The following OR51I1 variants were observed in gnomAD, a reference collection of about 807,000 sequenced individuals.
The protein encoded by OR51I1 is olfactory receptor 51I1.
OR51I1 carries 5 observed loss-of-function variants against 6.9 expected under a neutral mutation model. The observed-to-expected ratio is 0.73, with a 90% CI of 0.38 to 1.52. The LOEUF is 1.52. Ranked by LOEUF, OR51I1 falls within the 40% of genes most tolerant of loss-of-function variation. The pLI is 0.03. For synonymous variants in OR51I1, 183 were observed against 140.3 expected (o/e 1.30, Z -2.15); for missense variants, 465 against 388.5 (o/e 1.20, Z -1.66).
chr11:5,441,494 G>T lies in OR51I1; in HGVS notation c.21C>A (p.Thr7=). ...GCTGGAGTGTTGCTGGCTGGAAGGG[G>T]GTGCCATTGAGACCCAGCATGGTGG... is the stretch of plus-strand genomic sequence containing the variant. The part of the protein sequence containing the change: MLGLNG[T]PFQPATLQLT... The change falls in exon 1 of 1, where the codon ACC becomes ACA. Residue 7 remains threonine, a synonymous_variant. Transcript: ENST00000380211. The T allele has an allele frequency of 1.2e-6, 2 of 1,612,022 alleles. No homozygotes were observed. Among genetic ancestry groups the T allele is most frequent in the Non-Finnish European group, 1.7e-6 (2 of 1,179,676 alleles).
In OR51I1 at chr11:5,441,028, A is replaced by C; in HGVS notation, c.487T>G (p.Phe163Val). Residue 163 changes from phenylalanine (F) to valine (V), a missense_variant, in exon 1 of 1, where the codon TTT becomes GTT. By Grantham distance (50) the Phe-to-Val change is conservative. Transcript: ENST00000380211. ...CAGAAGGGCAGTCGTTTCACCACAA[A>C]AGGGAAAGGGAAGAGAGTGGTGAAA... ...KSFTTLFPFP[F>V]VVKRLPFCKG... 1 of 1,613,936 alleles carries C rather than the reference A, an allele frequency of 6.2e-7. No homozygotes were observed. Among genetic ancestry groups the C allele is most frequent in the Non-Finnish European group, 8.5e-7 (1 of 1,179,894 alleles).
Position 5,441,493 on chromosome 11 carries a change from G to A in OR51I1, c.22C>T (p.Pro8Ser). Reference sequence around the variant, plus strand: ...AGCTGGAGTGTTGCTGGCTGGAAGGGGGTGCCATTGAGACCCAGCATGGTG... The same window carrying A: ...AGCTGGAGTGTTGCTGGCTGGAAGGAGGTGCCATTGAGACCCAGCATGGTG... MLGLNGT[P>S]FQPATLQLTG... Residue 8 changes from proline (P) to serine (S), a missense_variant, in exon 1 of 1, where the codon CCC becomes TCC. By Grantham distance (74) the Pro-to-Ser change is moderately conservative. Coordinates refer to ENST00000380211, the MANE Select transcript of OR51I1 (RefSeq NM_001005288.3). 6.2e-7 allele frequency: 1 copy of A among 1,612,130 alleles called. No individual in the cohort carries two copies. Among genetic ancestry groups the A allele is most frequent in the South Asian group, 1.1e-5 (1 of 91,062 alleles).
rs746227153 is a variant in OR51I1, at chr11:5,441,395, G to A, written c.120C>T (p.Ser40=). 29 of 1,613,848 alleles carry A rather than the reference G, an allele frequency of 1.8e-5. No individual in the cohort carries two copies. The South Asian group carries it at 3.0e-4, about 16-fold the overall frequency. The change falls in exon 1 of 1, where the codon TCC becomes TCT. Residue 40 remains serine (S), a synonymous_variant. Coordinates refer to ENST00000380211, the MANE Select transcript of OR51I1 (RefSeq NM_001005288.3). ...ALIFCILYMI[S]IVGNLSILTL... ...TGAGAATGCTGAGGTTACCTACAAT[G>A]GAGATCATGTAGAGGATGCAGAAAA...
chr11:5,441,303 T>C lies in OR51I1; in HGVS notation c.212A>G (p.Asn71Ser), dbSNP rs151279140. The C allele has an allele frequency of 2.4e-4, 388 of 1,613,878 alleles. 8 individuals carry two copies. In the South Asian group the frequency reaches 3.5e-3, roughly 14 times the overall value. ...MYYFLSMLAL[N>S]DLGVSFSTLP... ...TGTAGAAAAGGACACTCCCAGATCA[T>C]TGAGAGCGAGCATAGAGAGGAAGTA... is the stretch of plus-strand genomic sequence containing the variant. The change falls in exon 1 of 1, where the codon AAT becomes AGT. Residue 71 changes from asparagine to serine, a missense_variant. Transcript: ENST00000380211.
chr11:5,440,599 G>A lies in OR51I1; in HGVS notation c.916C>T (p.Leu306Phe). 1 of 1,613,420 alleles carries A rather than the reference G, an allele frequency of 6.2e-7. No homozygotes were observed. ...VKTKEIRKGI[L>F]KFFHKSQA ...GCCTGGGATTTATGGAAGAACTTGA[G>A]AATCCCTTTGCGGATCTCCTTGGTT... is the stretch of plus-strand genomic sequence containing the variant. Residue 306 changes from leucine (L) to phenylalanine (F), a missense_variant, in exon 1 of 1, where the codon CTC becomes TTC. Transcript: ENST00000380211.
rs762769637 is a variant in OR51I1 at position 5,440,997 on chromosome 11, C to T, written c.518G>A (p.Gly173Asp). The change falls in exon 1 of 1, where the codon GGC (glycine) becomes GAC (aspartate). Residue 173 changes from glycine (G) to aspartate (D), a missense_variant. Physicochemically the swap from Gly to Asp is moderately conservative, Grantham distance 94. Transcript: ENST00000380211. ...FVVKRLPFCK[G>D]NVLHHSYCLH... Reference sequence around the variant, plus strand: ...ACAGTAGGAGTGATGCAAAACATTGCCTTTGCAGAAGGGCAGTCGTTTCAC... The same window carrying T: ...ACAGTAGGAGTGATGCAAAACATTGTCTTTGCAGAAGGGCAGTCGTTTCAC... 7 of 1,613,792 alleles carry T rather than the reference C, an allele frequency of 4.3e-6. No individual in the cohort carries two copies. The highest frequency in any genetic ancestry group is 1.6e-4 in the Middle Eastern group (1 of 6,080).
In OR51I1 at chr11:5,440,815, C is replaced by A; in HGVS notation, c.700G>T (p.Glu234Ter). The change falls in exon 1 of 1, where the codon GAA becomes TAA. Residue 234 changes from glutamate (E) to a stop codon, truncating the protein, a stop_gained. Transcript: ENST00000380211. LOFTEE classifies it high-confidence loss of function. ...LRAMLVIISQ[E>*]QRLKALNTCM... ...GTGTTGAGTGCCTTGAGCCGCTGTTCCTGGGATATGATGACCAGCATGGCT... is the reference window on the plus strand; with the variant it reads ...GTGTTGAGTGCCTTGAGCCGCTGTTACTGGGATATGATGACCAGCATGGCT... 1 of 1,613,834 alleles carries A rather than the reference C, an allele frequency of 6.2e-7. No individual in the cohort carries two copies. The highest frequency in any genetic ancestry group is 8.5e-7 in the Non-Finnish European group (1 of 1,179,930).
Position 5,441,333 on chromosome 11 carries a change from A to G in OR51I1, c.182T>C (p.Met61Thr). The G allele has an allele frequency of 6.2e-7, 1 of 1,613,988 alleles. No homozygotes were observed. The highest frequency in any genetic ancestry group is 8.5e-7 in the Non-Finnish European group (1 of 1,179,912). The change falls in exon 1 of 1, where the codon ATG becomes ACG. Residue 61 changes from methionine (M) to threonine (T), a missense_variant. Met to Thr is a moderately conservative substitution (Grantham distance 81, BLOSUM62 -1). Coordinates refer to ENST00000380211, the MANE Select transcript of OR51I1 (RefSeq NM_001005288.3). The stretch of plus-strand genomic sequence containing the variant: ...AGCGAGCATAGAGAGGAAGTAGTAC[A>G]TGGGCTGATGCAGAGCAGGCTCCCA... ...VFWEPALHQPMYYFLSMLALN... is the reference protein window; with the variant it reads ...VFWEPALHQPTYYFLSMLALN...
chr11:5,440,971 G>A lies in OR51I1; in HGVS notation c.544C>T (p.Leu182Phe). ...GCTACTTTCATGAGATCTGGATGGA[G>A]ACAGTAGGAGTGATGCAAAACATTG... ...KGNVLHHSYCLHPDLMKVACG... is the reference protein window; with the variant it reads ...KGNVLHHSYCFHPDLMKVACG... Residue 182 changes from leucine to phenylalanine, a missense_variant, in exon 1 of 1, where the codon CTC (leucine) becomes TTC (phenylalanine). Transcript: ENST00000380211. 1.9e-6 allele frequency: 3 copies of A among 1,613,966 alleles called. No individual in the cohort carries two copies. The highest frequency in any genetic ancestry group is 2.5e-6 in the Non-Finnish European group (3 of 1,179,948).
Position 5,441,379 on chromosome 11 carries a change from T to C in OR51I1, c.136A>G (p.Ser46Gly). ...TCCCAAAACACCAGAGTGAGAATGCTGAGGTTACCTACAATGGAGATCATG... is the reference window on the plus strand; with the variant it reads ...TCCCAAAACACCAGAGTGAGAATGCCGAGGTTACCTACAATGGAGATCATG... ...LYMISIVGNL[S>G]ILTLVFWEPA... The change falls in exon 1 of 1, where the codon AGC becomes GGC. Residue 46 changes from serine (S) to glycine (G), a missense_variant. Physicochemically the swap from Ser to Gly is moderately conservative, Grantham distance 56. Coordinates refer to ENST00000380211, the MANE Select transcript of OR51I1 (RefSeq NM_001005288.3). The C allele has an allele frequency of 6.2e-7, 1 of 1,613,896 alleles. No individual in the cohort carries two copies. The highest frequency in any genetic ancestry group is 8.5e-7 in the Non-Finnish European group (1 of 1,179,884).
At position 5,441,120 on chromosome 11, in the gene OR51I1, A is replaced by G. The variant is rs1272161914; in HGVS notation, c.395T>C (p.Leu132Ser). 8.7e-6 allele frequency: 14 copies of G among 1,613,920 alleles called. No individual in the cohort carries two copies. The highest frequency in any genetic ancestry group is 1.3e-5 in the African/African-American group (1 of 74,922). Residue 132 changes from leucine to serine, a missense_variant, in exon 1 of 1, where the codon TTA becomes TCA. By Grantham distance (145) the Leu-to-Ser change is moderately radical. Transcript: ENST00000380211. ...GTGAGTGAGCACAGTGACATAGCGT[A>G]ATGGATAACAAATAGCCACAAAGCG... is the stretch of plus-strand genomic sequence containing the variant. ...LDRFVAICYP[L>S]RYVTVLTHNR...
chr11:5,440,698 C>T lies in OR51I1; in HGVS notation c.817G>A (p.Val273Ile). The change falls in exon 1 of 1, where the codon GTT becomes ATT. Residue 273 changes from valine (V) to isoleucine (I), a missense_variant. Physicochemically the swap from Val to Ile is conservative, Grantham distance 29 (BLOSUM62 3). Transcript: ENST00000380211. ...IHRFWKSAPP[V>I]VHVMMSNVYL... is the part of the protein sequence containing the mutation. Reference sequence around the variant, plus strand: ...ACATTGGACATCATGACATGAACAACAGGTGGAGCACTTTTCCAGAAGCGG... The same window carrying T: ...ACATTGGACATCATGACATGAACAATAGGTGGAGCACTTTTCCAGAAGCGG... 6.2e-7 allele frequency: 1 copy of T among 1,613,944 alleles called. No homozygotes were observed. Among genetic ancestry groups the T allele is most frequent in the Non-Finnish European group, 8.5e-7 (1 of 1,179,916 alleles).
Position 5,440,739 on chromosome 11 carries a change from G to A in OR51I1, c.776C>T (p.Ala259Val), listed in dbSNP as rs373951420. 8.7e-6 allele frequency: 14 copies of A among 1,613,968 alleles called. No homozygotes were observed. The highest frequency in any genetic ancestry group is 1.7e-5 in the Admixed American group (1 of 59,952). The change falls in exon 1 of 1, where the codon GCT becomes GTT. Residue 259 changes from alanine to valine, a missense_variant. Ala to Val is a moderately conservative substitution (Grantham distance 64). Coordinates refer to ENST00000380211, the MANE Select transcript of OR51I1 (RefSeq NM_001005288.3). The part of the protein sequence containing the change: ...AVLAFYVPII[A>V]VSMIHRFWKS... ...CCAGAAGCGGTGAATCATGGAGACA[G>A]CAATTATGGGCACATAAAAGGCCAG...
chr11:5,441,398 G>A lies in OR51I1; in HGVS notation c.117C>T (p.Ile39=). ...GAATGCTGAGGTTACCTACAATGGA[G>A]ATCATGTAGAGGATGCAGAAAATCA... ...VALIFCILYM[I]SIVGNLSILT... Residue 39 remains isoleucine, a synonymous_variant, in exon 1 of 1, where the codon ATC becomes ATT. Transcript: ENST00000380211. The A allele has an allele frequency of 6.2e-7, 1 of 1,613,858 alleles. No homozygotes were observed. Among genetic ancestry groups the A allele is most frequent in the South Asian group, 1.1e-5 (1 of 91,072 alleles).
chr11:5,440,948 T>C lies in OR51I1; in HGVS notation c.567A>G (p.Val189=), dbSNP rs1027767572. The part of the protein sequence containing the change: ...SYCLHPDLMK[V]ACGDIHVNNI... ...TGTTAACATGGATGTCTCCACATGCTACTTTCATGAGATCTGGATGGAGAC... is the reference window on the plus strand; with the variant it reads ...TGTTAACATGGATGTCTCCACATGCCACTTTCATGAGATCTGGATGGAGAC... The change falls in exon 1 of 1, where the codon GTA becomes GTG. Residue 189 remains valine, a synonymous_variant. Coordinates refer to ENST00000380211, the MANE Select transcript of OR51I1 (RefSeq NM_001005288.3). 2 of 1,613,978 alleles carry C rather than the reference T, an allele frequency of 1.2e-6. No homozygotes were observed. Among genetic ancestry groups the C allele is most frequent in the Non-Finnish European group, 1.7e-6 (2 of 1,179,938 alleles).
In OR51I1 at chr11:5,440,674, C is replaced by T. The variant is rs1434458520; in HGVS notation, c.841G>A (p.Val281Ile). Residue 281 changes from valine to isoleucine, a missense_variant, in exon 1 of 1, where the codon GTC becomes ATC. Coordinates refer to ENST00000380211, the MANE Select transcript of OR51I1 (RefSeq NM_001005288.3). ...AGCATGGGTGGTACAAACAGGTAGA[C>T]ATTGGACATCATGACATGAACAACA... ...PPVVHVMMSN[V>I]YLFVPPMLNP... The T allele has an allele frequency of 2.5e-6, 4 of 1,613,920 alleles. No individual in the cohort carries two copies. Among genetic ancestry groups the T allele is most frequent in the Non-Finnish European group, 3.4e-6 (4 of 1,179,880 alleles).
chr11:5,441,437 G>A lies in OR51I1; in HGVS notation c.78C>T (p.Leu26=), dbSNP rs144932058. 31 of 1,613,790 alleles carry A rather than the reference G, an allele frequency of 1.9e-5. No individual in the cohort carries two copies. The African/African-American group carries it at 3.3e-4, about 17-fold the overall frequency. The stretch of plus-strand genomic sequence containing the variant: ...TGCAGAAAATCAGGGCAACCCAGGT[G>A]AGGCCTGTTTGTATCCCAGGAATGC... ...LTGIPGIQTG[L]TWVALIFCIL... The change falls in exon 1 of 1, where the codon CTC becomes CTT. Residue 26 remains leucine, a synonymous_variant. Transcript: ENST00000380211.
Position 5,440,571 on chromosome 11 carries a change from C to A in OR51I1, c.944G>T (p.Ter315LeuextTer?). ...AGCTTTTGGGGCCTTCAGCCTTCCT[C>A]AGGCCTGGGATTTATGGAAGAACTT... is the stretch of plus-strand genomic sequence containing the variant. Reference protein sequence around the residue: ...ILKFFHKSQA* With the variant: ...ILKFFHKSQAL Residue 315 changes from the stop codon to leucine (L), a stop_lost, in exon 1 of 1, where the codon TGA becomes TTA. Coordinates refer to ENST00000380211, the MANE Select transcript of OR51I1 (RefSeq NM_001005288.3). The A allele has an allele frequency of 6.2e-7, 1 of 1,610,328 alleles. No homozygotes were observed. The highest frequency in any genetic ancestry group is 2.2e-5 in the East Asian group (1 of 44,840).
Position 5,441,330 on chromosome 11 carries a change from T to C in OR51I1, c.185A>G (p.Tyr62Cys). Residue 62 changes from tyrosine to cysteine, a missense_variant, in exon 1 of 1, where the codon TAC becomes TGC. Coordinates refer to ENST00000380211, the MANE Select transcript of OR51I1 (RefSeq NM_001005288.3). ...FWEPALHQPM[Y>C]YFLSMLALND... ...GAGAGCGAGCATAGAGAGGAAGTAG[T>C]ACATGGGCTGATGCAGAGCAGGCTC... The C allele has an allele frequency of 6.2e-7, 1 of 1,613,778 alleles. No homozygotes were observed. Among genetic ancestry groups the C allele is most frequent in the South Asian group, 1.1e-5 (1 of 91,070 alleles).
Sources: allele counts gnomAD v4.1 joint callset, GRCh38; gene constraint gnomAD v4.1.1; transcripts MANE v1.5; gene names NCBI Gene and HGNC (gene_info 2026-07-23, HGNC 2026-07-21).